The following RBFOX1 variants were observed in gnomAD, a reference collection of about 807,000 sequenced individuals.
RBFOX1 encodes RNA binding fox-1 homolog 1.
RBFOX1 carries 8 observed loss-of-function variants against 57.7 expected under a neutral mutation model. That is an observed-to-expected ratio of 0.14 (90% confidence interval 0.08 to 0.25). RBFOX1 has a LOEUF of 0.25. Among genes scored for constraint, RBFOX1 ranks in the 10% least tolerant of loss-of-function variants. RBFOX1 has a pLI of 1.00. For missense variants in RBFOX1, 611 were observed against 548.5 expected (o/e 1.11, Z -1.14); for synonymous variants, 326 against 222.4 (o/e 1.47, Z -4.15).
intron 1 of RBFOX1, among the ~76,000 whole-genome samples, chr16:5,312,976 A>G (rs2064133269): frequency 6.6e-6 from 1 of 152,086 alleles, no homozygotes; most frequent in Non-Finnish European, 1.5e-5. Context: ...TTGTTTAATG[A>G]TGCTTAGTGC....
intron 2 of RBFOX1, among the ~76,000 whole-genome samples, chr16:6,407,196 T>C (rs1265465830): frequency 6.6e-6 from 1 of 152,202 alleles, no homozygotes; most frequent in African/African-American, 2.4e-5. Context: ...TGTCTATACA[T>C]CTATAACTAT....
intron 3 of RBFOX1, among the ~76,000 whole-genome samples, chr16:6,915,838 C>T (rs904844363): frequency 6.6e-5 from 10 of 152,242 alleles, no homozygotes; most frequent in South Asian, 2.1e-4. Context: ...AGGTGTGAGC[C>T]GCTATGCCCA....
intron 3 of RBFOX1, among the ~76,000 whole-genome samples, chr16:5,773,889 G>C (rs1338472829): frequency 6.6e-6 from 1 of 152,098 alleles, no homozygotes; most frequent in East Asian, 1.9e-4. Flanking sequence ...GGAGAGATGG[G>C]GTTTCACCAT....
intron 3 of RBFOX1, among the ~76,000 whole-genome samples, chr16:6,847,976 C>A (rs982216813): frequency 6.6e-6 from 1 of 152,136 alleles, no homozygotes; most frequent in South Asian, 2.1e-4. Flanking sequence ...ACTATAGGCA[C>A]CTGCCACCAT....
intron 3 of RBFOX1, among the ~76,000 whole-genome samples, chr16:6,782,224 C>A (rs1017998503): frequency 6.6e-6 from 1 of 152,140 alleles, no homozygotes; most frequent in Non-Finnish European, 1.5e-5. Context: ...CCAGGGTGAT[C>A]TCTGTCTCTT....
intron 4 of RBFOX1, among the ~76,000 whole-genome samples, chr16:7,279,087 CTCTT>C (rs1371808148): frequency 4.7e-5 from 7 of 147,562 alleles, no homozygotes; most frequent in Admixed American, 1.3e-4. Flanking sequence ...TTTCTGGAGA[CTCTT>C]TTTTTTTTTT....
intron 3 of RBFOX1, among the ~76,000 whole-genome samples, chr16:6,817,644 A>T (rs574714415): frequency 6.6e-6 from 1 of 151,824 alleles, no homozygotes; most frequent in African/African-American, 2.4e-5. Flanking sequence ...AGGAGGTTGC[A>T]GTGAGCTGAG....
rs7205118 is a variant in RBFOX1 at position 7,037,629 on chromosome 16, G to T, written c.-15-14428G>T. The stretch of plus-strand genomic sequence containing the variant: ...AAAGGCACGTTATATAGTGCTTTCC[G>T]TGTGATAGGCACTCTTCTAATTGCT... On this transcript the variant is annotated intron_variant, in intron 3 of 15. Coordinates refer to ENST00000550418, the MANE Select transcript of RBFOX1 (RefSeq NM_018723.4). 3.6e-4 allele frequency among the ~76,000 whole-genome samples: 55 copies of T among 152,240 alleles called. 1 individual carries two copies. The highest frequency in any genetic ancestry group is 1.3e-3 in the African/African-American group (53 of 41,538).
chr16:6,459,998 A>AC (rs1418934397), intron 2 of RBFOX1, among the ~76,000 whole-genome samples: 23 of 37,392 alleles, frequency 6.2e-4, no homozygotes, highest in Admixed American at 9.8e-4. Context: ...AAAAAAAAAA[A>AC]AAAAAAAAAA....
chr16:7,292,741 C>G lies in RBFOX1; in HGVS notation c.28-225406C>G, dbSNP rs559517429. On this transcript the variant is annotated intron_variant, in intron 4 of 15. Coordinates refer to ENST00000550418, the MANE Select transcript of RBFOX1 (RefSeq NM_018723.4). ...TATAGTCTTTTTCTTACATGTCACT[C>G]TACTGAAATAGTCTTGAATTATTTT... Among the ~76,000 whole-genome samples the G allele has an allele frequency of 9.2e-5, 14 of 152,062 alleles. No homozygotes were observed. In the South Asian group the frequency reaches 2.3e-3, roughly 25 times the overall value.
chr16:5,882,478 TGTA>T (rs1354737645), intron 4 of RBFOX1, among the ~76,000 whole-genome samples: 23 of 152,104 alleles, frequency 1.5e-4, no homozygotes, highest in African/African-American at 5.6e-4. Flanking sequence ...GCCTGGGAAA[TGTA>T]GTCCAGCTGT....
chr16:6,842,155 AAAAT>A (rs57858897), intron 3 of RBFOX1, among the ~76,000 whole-genome samples: 9,996 of 148,086 alleles, frequency 0.068, 638 homozygotes, highest in Admixed American at 0.15. Context: ...AAAAAAATAA[AAAAT>A]AAATAAATAA....
intron 2 of RBFOX1, among the ~76,000 whole-genome samples, chr16:6,579,501 G>A (rs2097501681): frequency 6.6e-6 from 1 of 152,170 alleles, no homozygotes; most frequent in African/African-American, 2.4e-5. Flanking sequence ...CTGTTCTTGG[G>A]ATAGGGAGCG....
chr16:6,900,442 T>G (rs1428237350), intron 3 of RBFOX1, among the ~76,000 whole-genome samples: 6 of 152,218 alleles, frequency 3.9e-5, no homozygotes, highest in African/African-American at 1.2e-4. Flanking sequence ...GCTCTCCCAC[T>G]TAAAACTGTT....
At chr16:5,616,550 C>CCCT (rs976040760) in intron 3 of RBFOX1, among the ~76,000 whole-genome samples, 9 of 151,106 alleles carry the variant, frequency 6.0e-5, no homozygotes, top group Non-Finnish European at 1.5e-5. Flanking sequence ...CCTTTCCTCT[C>CCCT]CCTCCTCCTC....
intron 1 of RBFOX1, among the ~76,000 whole-genome samples, chr16:5,246,140 G>T (rs1014430775): frequency 6.6e-6 from 1 of 152,146 alleles, no homozygotes; most frequent in African/African-American, 2.4e-5. Context: ...TACTTGGGAG[G>T]CTGAGGCAGG....
chr16:5,332,363 G>A (rs993281149), intron 1 of RBFOX1, among the ~76,000 whole-genome samples: 2 of 152,012 alleles, frequency 1.3e-5, no homozygotes, highest in African/African-American at 4.8e-5. Context: ...TGCTTCCTGG[G>A]TTCCAGCATT....
chr16:6,504,922 T>A (rs1406595985), intron 2 of RBFOX1, among the ~76,000 whole-genome samples: 1 of 151,886 alleles, frequency 6.6e-6, no homozygotes, highest in South Asian at 2.1e-4. Flanking sequence ...ATTTTGTAAT[T>A]TTTTAACTGG....
At chr16:6,483,260 G>A (rs112168255) in intron 2 of RBFOX1, 3 of 1,291,180 alleles carry the variant, frequency 2.3e-6, no homozygotes, top group Non-Finnish European at 2.9e-6. Flanking sequence ...CTTTGTGCGC[G>A]CCCGGGTGTT....
Sources: allele counts gnomAD v4.1 joint callset (sites outside exome capture counted in the v4.1 genomes callset), GRCh38; gene constraint gnomAD v4.1.1; transcripts MANE v1.5; gene names NCBI Gene and HGNC (gene_info 2026-07-23, HGNC 2026-07-21).